Variants in CTNNA2 observed in about 807,000 individuals in gnomAD.
CTNNA2 encodes catenin alpha 2, also known as catenin alpha-2.
A neutral mutation model predicts 101.0 loss-of-function variants in CTNNA2; 42 were observed. That is an observed-to-expected ratio of 0.42 (90% CI 0.32 to 0.54). CTNNA2 has a LOEUF of 0.54. Ranked by LOEUF, CTNNA2 falls within the 20% of genes least tolerant of loss-of-function variation. CTNNA2 has a pLI of 0.14. For missense variants in CTNNA2, 871 were observed against 1,223.1 expected (o/e 0.71, Z 4.29); for synonymous variants, 450 against 456.4 (o/e 0.99, Z 0.18).
intron 7 of CTNNA2, among the ~76,000 whole-genome samples, chr2:79,929,513 G>C (rs551319960): frequency 3.9e-5 from 6 of 152,354 alleles, no homozygotes; most frequent in Admixed American, 6.5e-5. Context: ...AGGCTAGTGA[G>C]TTCTCTCTCA....
At chr2:80,443,442 G>A (rs1559114586) in intron 9 of CTNNA2, among the ~76,000 whole-genome samples, 1 of 152,200 alleles carries the variant, frequency 6.6e-6, no homozygotes, top group Non-Finnish European at 1.5e-5. Flanking sequence ...AACAGAATAA[G>A]CACAAGAGAT....
chr2:80,570,549 A>G (rs964074693), intron 12 of CTNNA2, among the ~76,000 whole-genome samples: 4 of 152,214 alleles, frequency 2.6e-5, no homozygotes, highest in African/African-American at 9.7e-5. Flanking sequence ...TAAGGAAAAA[A>G]ATAGATGTCT....
At chr2:79,809,015 C>T (rs1424147960) in intron 3 of CTNNA2, among the ~76,000 whole-genome samples, 2 of 152,148 alleles carry the variant, frequency 1.3e-5, no homozygotes, top group Admixed American at 1.3e-4. Context: ...GCTCAACTCC[C>T]ACTTATGAGT....
intron 3 of CTNNA2, among the ~76,000 whole-genome samples, chr2:79,840,105 G>C (rs1679687712): frequency 6.6e-6 from 1 of 152,182 alleles, no homozygotes. Flanking sequence ...AGACAATACT[G>C]TGTGATAATA....
rs368261379 is a variant in CTNNA2 at position 80,435,885 on chromosome 2, C to T, written c.1290+16284C>T. Among the ~76,000 whole-genome samples the T allele has an allele frequency of 1.3e-3, 196 of 152,272 alleles. 1 individual carries two copies. The highest frequency in any genetic ancestry group is 4.4e-3 in the African/African-American group (184 of 41,556). On this transcript the variant is annotated intron_variant, in intron 9 of 18. Transcript: ENST00000402739. The stretch of plus-strand genomic sequence containing the variant: ...ATCTTTCATACAGTTAGCATCTTTC[C>T]ATAGTGCCCTGACATATTGCACACT...
chr2:80,105,544 T>G (rs1323484625), intron 7 of CTNNA2, among the ~76,000 whole-genome samples: 1 of 152,086 alleles, frequency 6.6e-6, no homozygotes, highest in Non-Finnish European at 1.5e-5. Context: ...GGCAACATAG[T>G]GAGACCCCAT....
intron 1 of CTNNA2, among the ~76,000 whole-genome samples, chr2:79,584,599 G>C (rs905256939): frequency 6.7e-6 from 1 of 149,704 alleles, no homozygotes; most frequent in Non-Finnish European, 1.5e-5. Flanking sequence ...ATTTCAGCTC[G>C]CTGTAATCTC....
In CTNNA2 at chr2:79,530,999, A is replaced by G. The variant is rs1672702744; in HGVS notation, c.-6+17792A>G. Among the ~76,000 whole-genome samples the G allele has an allele frequency of 3.3e-5, 5 of 151,828 alleles. No individual in the cohort carries two copies. In the South Asian group the frequency reaches 1.0e-3, roughly 32 times the overall value. On this transcript the variant is annotated intron_variant, in intron 1 of 18. Transcript: ENST00000402739. ...AATAATTTATATTCTTTCTTACTTT[A>G]TTGCAAAGCCCAAATTAGATAAAAT...
At chr2:80,629,760 C>T (rs1672075972) in intron 18 of CTNNA2, among the ~76,000 whole-genome samples, 1 of 152,128 alleles carries the variant, frequency 6.6e-6, no homozygotes, top group Non-Finnish European at 1.5e-5. Flanking sequence ...AACTAGATGC[C>T]TGTAGCAACT....
chr2:80,591,457 G>GTTTTTTTTTTTTTTTTT (rs567131551), intron 15 of CTNNA2, among the ~76,000 whole-genome samples: 2,220 of 70,228 alleles, frequency 0.032, 452 homozygotes, highest in Non-Finnish European at 0.049. Context: ...TGCACAGCCT[G>GTTTTTTTTTTTTTTTTT]TTTTTTTTTT....
At chr2:80,532,707 G>A (rs1173605704) in intron 9 of CTNNA2, among the ~76,000 whole-genome samples, 1 of 152,118 alleles carries the variant, frequency 6.6e-6, no homozygotes, top group African/African-American at 2.4e-5. Context: ...ATTTCCCATG[G>A]ATTAGAAGGA....
In CTNNA2 at chr2:79,698,814, TC is replaced by T. The variant is rs556018258; in HGVS notation, c.103-45569del. Reference sequence around the variant, plus strand: ...CACACTTTGGCCCTGATAAACATAATCCCCATTTTGGAAACAGAAAATTAAG... The same window carrying T: ...CACACTTTGGCCCTGATAAACATAATCCCATTTTGGAAACAGAAAATTAAG... On this transcript the variant is annotated intron_variant, in intron 2 of 18. Transcript: ENST00000402739. Among the ~76,000 whole-genome samples the T allele has an allele frequency of 2.1e-3, 313 of 152,118 alleles. 1 individual carries two copies. The highest frequency in any genetic ancestry group is 9.5e-3 in the South Asian group (46 of 4,822).
At chr2:79,793,025 C>A (rs1675405042) in intron 3 of CTNNA2, among the ~76,000 whole-genome samples, 1 of 152,022 alleles carries the variant, frequency 6.6e-6, no homozygotes, top group African/African-American at 2.4e-5. Flanking sequence ...ATATTTTATG[C>A]ATTATATAGA....
intron 6 of CTNNA2, among the ~76,000 whole-genome samples, chr2:79,884,346 A>G (rs1683676796): frequency 6.6e-6 from 1 of 152,040 alleles, no homozygotes; most frequent in Admixed American, 6.6e-5. Context: ...ATATTGCCAT[A>G]TTTTCGTTAT....
At chr2:79,349,967 A>C (rs917798851) in intron 3 of CTNNA2, among the ~76,000 whole-genome samples, 1 of 150,926 alleles carries the variant, frequency 6.6e-6, no homozygotes, top group Admixed American at 6.6e-5. Context: ...CTAGCTACTC[A>C]GGAGGCTGAG....
At chr2:80,396,607 C>T (rs1678035289) in intron 8 of CTNNA2, among the ~76,000 whole-genome samples, 1 of 152,212 alleles carries the variant, frequency 6.6e-6, no homozygotes, top group East Asian at 1.9e-4. Flanking sequence ...CACCTATGAA[C>T]TATTCTAGGT....
intron 3 of CTNNA2, among the ~76,000 whole-genome samples, chr2:79,325,304 G>C (rs1676720794): frequency 6.6e-6 from 1 of 152,162 alleles, no homozygotes; most frequent in African/African-American, 2.4e-5. Flanking sequence ...GATGTATTCT[G>C]TTAGAATGAT....
At chr2:79,624,024 C>T (rs951377263) in intron 1 of CTNNA2, among the ~76,000 whole-genome samples, 5 of 151,950 alleles carry the variant, frequency 3.3e-5, no homozygotes, top group African/African-American at 9.7e-5. Flanking sequence ...CTCTTTCCCC[C>T]ATGCTCTCTT....
intron 6 of CTNNA2, among the ~76,000 whole-genome samples, chr2:79,882,848 G>A (rs1402548079): frequency 2.6e-5 from 4 of 152,266 alleles, no homozygotes; most frequent in Non-Finnish European, 2.9e-5. Context: ...TGCAAGTGGC[G>A]TCTTCCGATC....
Sources: allele counts gnomAD v4.1 joint callset (sites outside exome capture counted in the v4.1 genomes callset), GRCh38; gene constraint gnomAD v4.1.1; transcripts MANE v1.5; gene names NCBI Gene and HGNC (gene_info 2026-07-23, HGNC 2026-07-21).